REEP5: variants seen among roughly 807,000 people sequenced by gnomAD.
REEP5 encodes the protein receptor expression-enhancing protein 5.
REEP5 carries 24 observed loss-of-function variants against 22.4 expected under a neutral mutation model. The ratio of observed to expected loss-of-function variants is 1.07; its 90% CI spans 0.78 to 1.51. The LOEUF (loss-of-function observed/expected upper bound fraction) is 1.51, where lower values mean the gene tolerates loss of function less well. Ranked by LOEUF, REEP5 falls within the 40% of genes most tolerant of loss-of-function variation. REEP5 has a pLI of 0.00. For missense variants in REEP5, 252 were observed against 233.0 expected (o/e 1.08, Z -0.53); for synonymous variants, 103 against 88.6 (o/e 1.16, Z -0.92).
intron 2 of REEP5, among the ~76,000 whole-genome samples, chr5:112,917,970 A>G (rs948006525): frequency 2.0e-5 from 3 of 152,212 alleles, no homozygotes; most frequent in East Asian, 1.9e-4. Flanking sequence ...GCATACTTTA[A>G]AAGTGTACAA....
At chr5:112,902,085 C>T (rs17135149) in intron 3 of REEP5, among the ~76,000 whole-genome samples, 7,900 of 151,766 alleles carry the variant, frequency 0.052, 513 homozygotes, top group East Asian at 0.16. Context: ...GATGGAGCTT[C>T]CTATATTTAA....
In REEP5 at chr5:112,921,395, A is replaced by G. The variant is rs950634175; in HGVS notation, c.119-139T>C. On this transcript the variant is annotated intron_variant, in intron 1 of 4. Coordinates refer to ENST00000379638, the MANE Select transcript of REEP5 (RefSeq NM_005669.5). ...ATTAAAGGAGCGAGAAAAACAAACC[A>G]CACGAAAGCTGGGCCTGCGCGTCCG... is the stretch of plus-strand genomic sequence containing the variant. 3.8e-6 allele frequency: 3 copies of G among 792,476 alleles called. No individual in the cohort carries two copies. The African/African-American group carries it at 5.1e-5, about 14-fold the overall frequency. 49.1% of individuals were successfully genotyped at this position (792,476 alleles called of 1,614,324 possible).
intron 3 of REEP5, chr5:112,891,671 A>G (rs1768455273): frequency 3.1e-6 from 5 of 1,613,368 alleles, no homozygotes; most frequent in Non-Finnish European, 4.2e-6. Context: ...ACGTTTCCCA[A>G]GAAGATGACA....
intron 2 of REEP5, 51 bp downstream of exon 2, chr5:112,921,112 C>G: frequency 6.4e-7 from 1 of 1,557,364 alleles, no homozygotes; most frequent in Non-Finnish European, 8.8e-7. Context: ...AGCAGCCCTG[C>G]GGGGAGGAAT....
chr5:112,901,211 C>T (rs13179353), intron 3 of REEP5, among the ~76,000 whole-genome samples: 1 of 152,064 alleles, frequency 6.6e-6, no homozygotes, highest in Non-Finnish European at 1.5e-5. Context: ...ATTAGAACTG[C>T]TGACCAAGAA....
chr5:112,895,893 G>C (rs1187820871), intron 3 of REEP5: 1 of 152,210 alleles, frequency 6.6e-6, no homozygotes, highest in Non-Finnish European at 1.5e-5. Flanking sequence ...GCTGCCTGCA[G>C]TTCAGACAGA....
intron 2 of REEP5, among the ~76,000 whole-genome samples, chr5:112,909,156 G>C (rs1769035320): frequency 6.7e-6 from 1 of 150,082 alleles, no homozygotes; most frequent in African/African-American, 2.5e-5. Context: ...TTGTAGCTCT[G>C]TATTCTAGCT....
chr5:112,879,137 G>A (rs2150032554), intron 4 of REEP5, among the ~76,000 whole-genome samples: 1 of 152,244 alleles, frequency 6.6e-6, no homozygotes, highest in South Asian at 2.1e-4. Context: ...AGCATTGAAA[G>A]AAGCAGAGAT....
In REEP5 at chr5:112,910,430, T is replaced by C. The variant is rs552234309; in HGVS notation, c.213-7912A>G. Among the ~76,000 whole-genome samples the C allele has an allele frequency of 1.9e-3, 288 of 152,240 alleles. 2 individuals are homozygous for C. Among genetic ancestry groups the C allele is most frequent in the Non-Finnish European group, 3.1e-3 (212 of 68,014 alleles). Reference sequence around the variant, plus strand: ...CTTCTGCTCAATTTCACTGTGAACCTAAAATTGCTCTAAAAAATAAAATCC... The same window carrying C: ...CTTCTGCTCAATTTCACTGTGAACCCAAAATTGCTCTAAAAAATAAAATCC... On this transcript the variant is annotated intron_variant, in intron 2 of 4. Transcript: ENST00000379638.
intron 4 of REEP5, among the ~76,000 whole-genome samples, chr5:112,886,114 A>G (rs373509741): frequency 3.9e-4 from 59 of 152,350 alleles, no homozygotes; most frequent in African/African-American, 1.3e-3. Flanking sequence ...GGAGTGATCC[A>G]ATACTGTTGC....
chr5:112,885,223 C>A, intron 4 of REEP5: 1 of 165,140 alleles, frequency 6.1e-6, no homozygotes, highest in South Asian at 1.3e-4. Context: ...GTGGGGAGCC[C>A]CAAGGAGAAG....
intron 2 of REEP5, among the ~76,000 whole-genome samples, chr5:112,915,348 C>T (rs1321493551): frequency 6.6e-6 from 1 of 152,160 alleles, no homozygotes; most frequent in African/African-American, 2.4e-5. Context: ...CTTTTTAAAA[C>T]TTTATTTTCT....
Position 112,922,219 on chromosome 5 carries a change from G to C in REEP5, c.-29C>G. On this transcript the variant is annotated 5_prime_UTR_variant, in exon 1 of 5. Transcript: ENST00000379638. ...GGGGACCGTCTCGCCGCTCGGGGCTGTTCCTAGTGCCGGATAGACTGGAGC... is the reference window on the plus strand; with the variant it reads ...GGGGACCGTCTCGCCGCTCGGGGCTCTTCCTAGTGCCGGATAGACTGGAGC... 1 of 1,594,100 alleles carries C rather than the reference G, an allele frequency of 6.3e-7. No homozygotes were observed. The highest frequency in any genetic ancestry group is 8.5e-7 in the Non-Finnish European group (1 of 1,170,720).
chr5:112,877,366 T>C lies in REEP5; in HGVS notation c.*1420A>G, dbSNP rs556720471. 14 of 152,316 alleles carry C rather than the reference T, an allele frequency of 9.2e-5. No homozygotes were observed. The highest frequency in any genetic ancestry group is 3.4e-4 in the African/African-American group (14 of 41,572). The allele number at this position is 152,316 out of a possible 1,614,324, so 9.4% of individuals were successfully genotyped here. On this transcript the variant is annotated 3_prime_UTR_variant, in exon 5 of 5. Coordinates refer to ENST00000379638, the MANE Select transcript of REEP5 (RefSeq NM_005669.5). ...TCTTGTTAGTTTAGTTATACACTTG[T>C]TTTAGTCGAGTTTAATTCAAAAGGA...
intron 3 of REEP5, among the ~76,000 whole-genome samples, chr5:112,888,424 T>C (rs1231495804): frequency 6.6e-6 from 1 of 152,200 alleles, no homozygotes; most frequent in Admixed American, 6.5e-5. Flanking sequence ...TTCTCAACAA[T>C]ATCTCCAGAT....
chr5:112,907,537 G>A (rs1376368190), intron 2 of REEP5, among the ~76,000 whole-genome samples: 1 of 152,142 alleles, frequency 6.6e-6, no homozygotes, highest in Non-Finnish European at 1.5e-5. Flanking sequence ...ACGACTACAA[G>A]GCAGAGGATA....
At chr5:112,921,522 G>GC in intron 1 of REEP5, 1 of 524,980 alleles carries the variant, frequency 1.9e-6, no homozygotes, top group Non-Finnish European at 3.4e-6. Context: ...AACCCCCGGC[G>GC]CCCGGGACGG....
At chr5:112,898,921 A>T (rs896016010) in intron 3 of REEP5, among the ~76,000 whole-genome samples, 3 of 152,198 alleles carry the variant, frequency 2.0e-5, no homozygotes, top group Non-Finnish European at 2.9e-5. Context: ...TTGCCTTACA[A>T]GGCATTCTGT....
chr5:112,879,213 A>G (rs1767988848), intron 4 of REEP5, among the ~76,000 whole-genome samples: 1 of 151,858 alleles, frequency 6.6e-6, no homozygotes. Flanking sequence ...TCACTTATCA[A>G]TATATTATCA....
Sources: gnomAD v4.1 joint callset for allele counts (sites outside exome capture counted in the v4.1 genomes callset) on GRCh38, gnomAD v4.1.1 for gene constraint, MANE v1.5 for transcripts, NCBI Gene and HGNC (gene_info 2026-07-23, HGNC 2026-07-21) for gene names.